The following ITGAL variants were observed in gnomAD, a reference collection of about 807,000 sequenced individuals.
ITGAL encodes the protein integrin subunit alpha L.
In ITGAL, 68 loss-of-function variants were observed where a neutral mutation model predicts 138.4. The ratio of observed to expected loss-of-function variants is 0.49; its 90% CI spans 0.40 to 0.60. The LOEUF is 0.60. Ranked by LOEUF, ITGAL falls within the 20% of genes least tolerant of loss-of-function variation. The pLI is 0.00. For synonymous variants in ITGAL, 561 were observed against 584.3 expected (o/e 0.96, Z 0.57); for missense variants, 1,256 against 1,478.6 (o/e 0.85, Z 2.47).
In ITGAL at chr16:30,494,406, G is replaced by A; in HGVS notation, c.1365+43G>A. On this transcript the variant is annotated intron_variant, in intron 12 of 30. Coordinates refer to ENST00000356798, the MANE Select transcript of ITGAL (RefSeq NM_002209.3). The surrounding 1 kb of genome is among the most constrained non-coding windows in gnomAD (Gnocchi z 4.2). Reference sequence around the variant, plus strand: ...GCATCTGCAGACCAGGGACTGGCGGGACACACATCACACTCCCTTCTGTCC... The same window carrying A: ...GCATCTGCAGACCAGGGACTGGCGGAACACACATCACACTCCCTTCTGTCC... The A allele has an allele frequency of 6.4e-7, 1 of 1,556,582 alleles. No homozygotes were observed. Among genetic ancestry groups the A allele is most frequent in the South Asian group, 1.2e-5 (1 of 85,742 alleles).
intron 24 of ITGAL, among the ~76,000 whole-genome samples, chr16:30,513,458 G>T (rs1228259968): frequency 6.6e-6 from 1 of 152,188 alleles, no homozygotes; most frequent in Non-Finnish European, 1.5e-5. Context: ...CAGTGGATAC[G>T]ATTATCTAGG....
intron 6 of ITGAL, among the ~76,000 whole-genome samples, chr16:30,480,060 T>G (rs1161515866): frequency 1.3e-5 from 2 of 152,112 alleles, no homozygotes; most frequent in Admixed American, 1.3e-4. Context: ...TCCTCCCAAC[T>G]AGCTGGGACT....
chr16:30,476,200 G>A (rs911492674), intron 4 of ITGAL, among the ~76,000 whole-genome samples: 7 of 151,634 alleles, frequency 4.6e-5, no homozygotes, highest in Admixed American at 6.6e-5. Flanking sequence ...GCAGTGAGCC[G>A]AGATCATGCC....
At chr16:30,507,198 G>A (rs1437209795) in intron 21 of ITGAL, among the ~76,000 whole-genome samples, 1 of 151,976 alleles carries the variant, frequency 6.6e-6, no homozygotes, top group Non-Finnish European at 1.5e-5. Context: ...GGTGGCTCAC[G>A]CCTGTAATCC....
At position 30,522,534 on chromosome 16, in the gene ITGAL, T is replaced by G. The variant is rs1365080401; in HGVS notation, c.*869T>G. On this transcript the variant is annotated 3_prime_UTR_variant, in exon 31 of 31. Coordinates refer to ENST00000356798, the MANE Select transcript of ITGAL (RefSeq NM_002209.3). The surrounding 1 kb of genome is among the most constrained non-coding windows in gnomAD (Gnocchi z 4.0). ...TTAGCAGCTATCTCTCAGTGAACTG[T>G]GAGGGTAAAGGCTATACTTGTCTTG... 1 of 152,156 alleles carries G rather than the reference T, an allele frequency of 6.6e-6. No individual in the cohort carries two copies. Among genetic ancestry groups the G allele is most frequent in the Non-Finnish European group, 1.5e-5 (1 of 68,048 alleles). 9.4% of individuals were successfully genotyped at this position (152,156 alleles called of 1,614,324 possible).
rs1236623838 is a variant in ITGAL at position 30,518,649 on chromosome 16, G to A, written c.3158G>A (p.Ser1053Asn). The A allele has an allele frequency of 6.2e-7, 1 of 1,613,844 alleles. No homozygotes were observed. Among genetic ancestry groups the A allele is most frequent in the African/African-American group, 1.3e-5 (1 of 74,900 alleles). Reference protein sequence around the residue: ...IEASSMFSLCSSLSISFNSSK... With the variant: ...IEASSMFSLCNSLSISFNSSK... The stretch of plus-strand genomic sequence containing the variant: ...GCCTCTTCCATGTTCAGCCTCTGCA[G>A]CTCCCTCTCCATCTCCTTCAACAGC... The change falls in exon 29 of 31, where the codon AGC becomes AAC. Residue 1053 changes from serine to asparagine, a missense_variant. Physicochemically the swap from Ser to Asn is conservative, Grantham distance 46. Around this residue, in one of 3 missense-constraint regions of ITGAL, gnomAD observed 867 missense variants for 972.5 expected, o/e 0.89. Transcript: ENST00000356798.
chr16:30,475,715 G>T, intron 4 of ITGAL, 135 bp downstream of exon 4: 5 of 323,792 alleles, frequency 1.5e-5, no homozygotes, highest in East Asian at 8.0e-5. Context: ...TGTTTATTGA[G>T]AACCAATGAT....
intron 15 of ITGAL, 63 bp from the exon 16 acceptor site, chr16:30,499,011 A>T: frequency 6.6e-7 from 1 of 1,524,676 alleles, no homozygotes; most frequent in Non-Finnish European, 8.9e-7. Context: ...CGGGAGCCCC[A>T]CATCTGAGGG....
chr16:30,499,733 A>ATACGTATATATATATATATATATTTTT, intron 17 of ITGAL, among the ~76,000 whole-genome samples: 2 of 88,368 alleles, frequency 2.3e-5, no homozygotes, highest in African/African-American at 1.2e-4. Context: ...ATATATATAT[A>ATACGTATATATATATATATATATTTTT]TTTTTTTTTT....
chr16:30,474,859 TC>T, intron 2 of ITGAL, among the ~76,000 whole-genome samples: 1 of 125,706 alleles, frequency 8.0e-6, no homozygotes. Flanking sequence ...TTTTTTTTTT[TC>T]TTTTTTTTTT....
rs199892523 is a variant in ITGAL at position 30,517,893 on chromosome 16, G to C, written c.3130G>C (p.Glu1044Gln). The C allele has an allele frequency of 6.2e-7, 1 of 1,613,638 alleles. No homozygotes were observed. Among genetic ancestry groups the C allele is most frequent in the East Asian group, 2.2e-5 (1 of 44,878 alleles). The change falls in exon 28 of 31, where the codon GAG (glutamate) becomes CAG (glutamine). Residue 1044 changes from glutamate (E) to glutamine (Q), a missense_variant and splice_region_variant. Around this residue, in one of 3 missense-constraint regions of ITGAL, gnomAD observed 867 missense variants for 972.5 expected, o/e 0.89. Transcript: ENST00000356798. ...GACTCTGGAGCTGGTGGGAGAGATC[G>C]AGGTAGTCCCCGCTCCTAAGAGATG... ...IGTLELVGEI[E>Q]ASSMFSLCSS...
chr16:30,475,239 T>C (rs773867297), intron 2 of ITGAL, 67 bp from the exon 3 acceptor site: 1 of 1,130,956 alleles, frequency 8.8e-7, no homozygotes, highest in African/African-American at 1.5e-5. Flanking sequence ...CTGAACCTCC[T>C]TAGCAGGCAG....
Position 30,496,195 on chromosome 16 carries a change from T to C in ITGAL, c.1602T>C (p.Asp534=). The C allele has an allele frequency of 6.2e-7, 1 of 1,613,992 alleles. No homozygotes were observed. Among genetic ancestry groups the C allele is most frequent in the Non-Finnish European group, 8.5e-7 (1 of 1,179,948 alleles). Residue 534 remains aspartate (D), a synonymous_variant, in exon 14 of 31, where the codon GAT becomes GAC. Transcript: ENST00000356798. ...CTGCTCTGACAGACATCAACGGCGATGGGCTGGTAGACGTGGCTGTGGGGG... is the reference window on the plus strand; with the variant it reads ...CTGCTCTGACAGACATCAACGGCGACGGGCTGGTAGACGTGGCTGTGGGGG... ...AITALTDING[D]GLVDVAVGAP... is the part of the protein sequence containing the mutation.
chr16:30,499,002 G>A (rs1040941937), intron 15 of ITGAL, 72 bp from the exon 16 acceptor site: 47 of 1,470,250 alleles, frequency 3.2e-5, no homozygotes, highest in South Asian at 1.9e-4. Context: ...CTTTGCTGGC[G>A]GGAGCCCCAC....
chr16:30,493,527 C>T (rs1251049938), intron 11 of ITGAL, among the ~76,000 whole-genome samples: 5 of 152,056 alleles, frequency 3.3e-5, no homozygotes, highest in Admixed American at 6.6e-5. Flanking sequence ...CCACCTGCCT[C>T]GGCCTCCCAA....
In ITGAL at chr16:30,510,396, T is replaced by C. The variant is rs762842505; in HGVS notation, c.2544T>C (p.Leu848=). The C allele has an allele frequency of 6.2e-7, 1 of 1,613,074 alleles. No homozygotes were observed. Among genetic ancestry groups the C allele is most frequent in the East Asian group, 2.2e-5 (1 of 44,880 alleles). ...HSQIPVSCEE[L]PEESRLLSRA... is the part of the protein sequence containing the mutation. ...AGATACCTGTGAGCTGCGAGGAGCT[T>C]CCTGAAGAGTCCAGGCTTCTGTCCA... Residue 848 remains leucine, a synonymous_variant, in exon 22 of 31, where the codon CTT becomes CTC. Transcript: ENST00000356798.
chr16:30,508,812 T>C (rs1401606373), intron 21 of ITGAL, among the ~76,000 whole-genome samples: 2 of 151,698 alleles, frequency 1.3e-5, no homozygotes, highest in African/African-American at 4.8e-5. Context: ...TGAGCTATGA[T>C]TACAACATTG....
chr16:30,514,488 G>A (rs972262934), intron 25 of ITGAL, among the ~76,000 whole-genome samples: 1 of 150,050 alleles, frequency 6.7e-6, no homozygotes, highest in Non-Finnish European at 1.5e-5. Flanking sequence ...TGTTGGCCAG[G>A]CTGGTCTTGA....
At chr16:30,518,884 A>G (rs1879783469) in intron 29 of ITGAL, among the ~76,000 whole-genome samples, 165 bp downstream of exon 29, 1 of 152,172 alleles carries the variant, frequency 6.6e-6, no homozygotes, top group Admixed American at 6.5e-5. Flanking sequence ...TGGTGGGCAC[A>G]CAACCCCAGA....
Sources: allele counts gnomAD v4.1 joint callset (sites outside exome capture counted in the v4.1 genomes callset), GRCh38; gene constraint gnomAD v4.1.1; regional missense constraint gnomAD v4.1.1; non-coding constraint Gnocchi (gnomAD v3.1); transcripts MANE v1.5; gene names NCBI Gene and HGNC (gene_info 2026-07-23, HGNC 2026-07-21).